Variants in CAMTA1 observed in about 807,000 individuals in gnomAD.
CAMTA1 encodes the protein calmodulin binding transcription activator 1.
A neutral mutation model predicts 170.9 loss-of-function variants in CAMTA1; 27 were observed. That is an observed-to-expected ratio of 0.16 (90% confidence interval 0.12 to 0.22). The LOEUF is 0.22. CAMTA1 is among the 10% of genes least tolerant of loss of function. The pLI, the probability that CAMTA1 is intolerant of heterozygous loss-of-function variation, is 1.00. For synonymous variants in CAMTA1, 833 were observed against 891.5 expected (o/e 0.93, Z 1.17); for missense variants, 1,619 against 2,217.2 (o/e 0.73, Z 5.42).
intron 11 of CAMTA1, among the ~76,000 whole-genome samples, chr1:7,683,864 G>A (rs1226433648): frequency 2.0e-5 from 3 of 152,224 alleles, no homozygotes; most frequent in Non-Finnish European, 2.9e-5. Flanking sequence ...CCTCAGCACC[G>A]CAGTGGGTGG....
At chr1:6,819,315 A>ATTT (rs1482814529) in intron 1 of CAMTA1, among the ~76,000 whole-genome samples, 4 of 135,146 alleles carry the variant, frequency 3.0e-5, no homozygotes, top group East Asian at 2.2e-4. Context: ...TTTTTTTTTA[A>ATTT]AAAGTTACCG....
intron 6 of CAMTA1, among the ~76,000 whole-genome samples, chr1:7,477,546 A>G (rs964186683): frequency 1.3e-5 from 2 of 152,200 alleles, no homozygotes; most frequent in Non-Finnish European, 2.9e-5. Flanking sequence ...ATTGCAGTTT[A>G]CGATGCCAAG....
chr1:6,986,367 G>C (rs1413510072), intron 3 of CAMTA1, among the ~76,000 whole-genome samples: 5 of 152,198 alleles, frequency 3.3e-5, no homozygotes, highest in Non-Finnish European at 5.9e-5. Flanking sequence ...TACCACCCAA[G>C]ATGTGACAGA....
chr1:7,492,303 G>T (rs1158545301), intron 6 of CAMTA1, among the ~76,000 whole-genome samples: 7 of 152,202 alleles, frequency 4.6e-5, no homozygotes, highest in Non-Finnish European at 1.0e-4. Context: ...CCCAGGACCT[G>T]CTCTGCCCTG....
chr1:7,477,911 G>T (rs763090707), intron 6 of CAMTA1, among the ~76,000 whole-genome samples: 1 of 152,176 alleles, frequency 6.6e-6, no homozygotes, highest in Non-Finnish European at 1.5e-5. Flanking sequence ...CTTCCTCCTG[G>T]CCACCTATGT....
intron 3 of CAMTA1, among the ~76,000 whole-genome samples, chr1:6,866,440 A>G (rs1179209720): frequency 1.1e-4 from 17 of 152,228 alleles, no homozygotes; most frequent in Admixed American, 1.1e-3. Context: ...TAGTAAGTTT[A>G]AAAACAAGTA....
chr1:7,550,542 C>G (rs549166457), intron 6 of CAMTA1, among the ~76,000 whole-genome samples: 1 of 151,478 alleles, frequency 6.6e-6, no homozygotes, highest in African/African-American at 2.4e-5. Context: ...CCCATAATCC[C>G]TCCCACCTGG....
chr1:7,227,113 G>A (rs183203275), intron 4 of CAMTA1, among the ~76,000 whole-genome samples: 553 of 151,814 alleles, frequency 3.6e-3, no homozygotes, highest in African/African-American at 0.013. Context: ...GATTACAGGC[G>A]TGAGCCACCA....
At chr1:6,790,521 A>G (rs1431896908) in intron 1 of CAMTA1, among the ~76,000 whole-genome samples, 4 of 152,154 alleles carry the variant, frequency 2.6e-5, no homozygotes, top group African/African-American at 9.7e-5. Context: ...GCAGCATCGC[A>G]CTAGGCATTC....
chr1:7,546,412 A>G (rs1291092054), intron 6 of CAMTA1, among the ~76,000 whole-genome samples: 1 of 152,184 alleles, frequency 6.6e-6, no homozygotes, highest in Non-Finnish European at 1.5e-5. Flanking sequence ...ATTGATGGGC[A>G]TTTGGGTTAA....
At chr1:7,370,523 G>A (rs1231016745) in intron 5 of CAMTA1, among the ~76,000 whole-genome samples, 2 of 152,156 alleles carry the variant, frequency 1.3e-5, no homozygotes, top group African/African-American at 4.8e-5. Flanking sequence ...TGTCCGGGTC[G>A]TATTCGAGGG....
Position 7,442,609 on chromosome 1 carries a change from C to T in CAMTA1, c.439-25221C>T, listed in dbSNP as rs76997574. 5.7e-4 allele frequency among the ~76,000 whole-genome samples: 87 copies of T among 152,162 alleles called. 2 individuals are homozygous for T. Among genetic ancestry groups the T allele is most frequent in the African/African-American group, 1.8e-3 (74 of 41,494 alleles). ...ATATGGGTTTGAGGGTCAGAGCAGC[C>T]CTGGGTGCAAATCCTGCCTCCATGG... On this transcript the variant is annotated intron_variant, in intron 5 of 22. Coordinates refer to ENST00000303635, the MANE Select transcript of CAMTA1 (RefSeq NM_015215.4).
intron 3 of CAMTA1, among the ~76,000 whole-genome samples, chr1:6,884,200 G>T (rs1272215775): frequency 6.6e-6 from 1 of 151,740 alleles, no homozygotes; most frequent in African/African-American, 2.4e-5. Context: ...GAGGAAGGAG[G>T]GGACACCATG....
intron 11 of CAMTA1, among the ~76,000 whole-genome samples, chr1:7,703,334 G>A (rs1403770165): frequency 6.6e-6 from 1 of 152,214 alleles, no homozygotes; most frequent in Non-Finnish European, 1.5e-5. Flanking sequence ...GACAGGTGCA[G>A]TGGGAATACT....
chr1:7,230,299 G>A (rs1317713272), intron 4 of CAMTA1, among the ~76,000 whole-genome samples: 1 of 152,180 alleles, frequency 6.6e-6, no homozygotes, highest in Non-Finnish European at 1.5e-5. Flanking sequence ...GCCGGGGTCT[G>A]GGGAGGAGGG....
chr1:7,339,841 C>T (rs1425811302), intron 5 of CAMTA1, among the ~76,000 whole-genome samples: 6 of 152,196 alleles, frequency 3.9e-5, no homozygotes, highest in African/African-American at 1.4e-4. Flanking sequence ...AAGTGATTCA[C>T]CCACCTCAGC....
intron 3 of CAMTA1, among the ~76,000 whole-genome samples, chr1:6,832,148 A>G (rs1230834955): frequency 4.6e-5 from 7 of 151,842 alleles, no homozygotes; most frequent in Admixed American, 3.3e-4. Flanking sequence ...CAGTGGCACA[A>G]TCTTGGCTCA....
chr1:6,807,121 A>G lies in CAMTA1; in HGVS notation c.46-13060A>G, dbSNP rs1015575099. On this transcript the variant is annotated intron_variant, in intron 1 of 22. Coordinates refer to ENST00000303635, the MANE Select transcript of CAMTA1 (RefSeq NM_015215.4). The stretch of plus-strand genomic sequence containing the variant: ...CAATATGTCATAAAGGGATTTGACT[A>G]ATCTGCAAGGTTGGGGGAGGCTTCT... The G allele has an allele frequency of 7.3e-6, 4 of 547,092 alleles. No homozygotes were observed. The African/African-American group carries it at 7.5e-5, about 10-fold the overall frequency. 33.9% of individuals were successfully genotyped at this position (547,092 alleles called of 1,614,324 possible).
At chr1:7,076,676 G>A (rs912985490) in intron 3 of CAMTA1, among the ~76,000 whole-genome samples, 17 of 152,224 alleles carry the variant, frequency 1.1e-4, no homozygotes, top group Admixed American at 3.9e-4. Flanking sequence ...GGGCACTGGC[G>A]TGATTGATTA....
Sources: allele counts gnomAD v4.1 joint callset (sites outside exome capture counted in the v4.1 genomes callset), GRCh38; gene constraint gnomAD v4.1.1; transcripts MANE v1.5; gene names NCBI Gene and HGNC (gene_info 2026-07-23, HGNC 2026-07-21).